Variants in APOL3 observed in about 807,000 individuals in gnomAD.
The protein encoded by APOL3 is TNF-inducible protein CG12-1.
APOL3 carries 14 observed loss-of-function variants against 11.6 expected under a neutral mutation model. The ratio of observed to expected loss-of-function variants is 1.21; its 90% CI spans 0.80 to 1.89. APOL3 has a LOEUF of 1.89. Ranked by LOEUF, APOL3 falls within the 40% of genes most tolerant of loss-of-function variation. The probability of loss-of-function intolerance (pLI) is 0.00; values close to 1 mark genes in which losing one functional copy is unlikely to be tolerated. For synonymous variants in APOL3, 192 were observed against 190.6 expected (o/e 1.01, Z -0.06); for missense variants, 483 against 492.1 (o/e 0.98, Z 0.17).
At chr22:36,165,479 G>A (rs1287492984), upstream of APOL3, 1 of 152,170 alleles carries the variant, frequency 6.6e-6, no homozygotes, top group Non-Finnish European at 1.5e-5. Flanking sequence ...GGAAAACAGA[G>A]TTTCAGGAGG....
At chr22:36,141,654 G>C in exon 3 of APOL3, 1 of 1,614,086 alleles carries the variant, frequency 6.2e-7, no homozygotes. Context: ...CAGCCTGCTG[G>C]CTTCAGCTTC....
At chr22:36,157,597 A>G (rs1329638787) in intron 1 of APOL3, among the ~76,000 whole-genome samples, 1 of 152,200 alleles carries the variant, frequency 6.6e-6, no homozygotes, top group Non-Finnish European at 1.5e-5. Context: ...AATTGAATAG[A>G]GTTTTACCTC....
exon 3 of APOL3, chr22:36,141,230 A>G: frequency 5.0e-6 from 8 of 1,614,020 alleles, no homozygotes; most frequent in Non-Finnish European, 6.8e-6. Context: ...TCAGACGCTG[A>G]TAGATCTGAG....
intron 2 of APOL3, 100 bp downstream of exon 3, chr22:36,145,373 G>A (rs977237307): frequency 2.8e-6 from 4 of 1,443,002 alleles, no homozygotes; most frequent in Admixed American, 2.1e-5. Context: ...CAGCAGAGGG[G>A]GCTGCCTGGA....
upstream of APOL3, chr22:36,160,935 A>G (rs767331173): frequency 4.4e-6 from 7 of 1,580,222 alleles, no homozygotes; most frequent in Middle Eastern, 1.8e-4. Flanking sequence ...CTGCTGATCC[A>G]AGAGCAGCCC....
chr22:36,143,153 G>A (rs2060064101), intron 2 of APOL3, among the ~76,000 whole-genome samples: 1 of 152,172 alleles, frequency 6.6e-6, no homozygotes, highest in Non-Finnish European at 1.5e-5. Context: ...CTGAATAAAG[G>A]CTTCCTGATC....
chr22:36,141,248 C>T, exon 3 of APOL3: 1 of 1,614,108 alleles, frequency 6.2e-7, no homozygotes, highest in Non-Finnish European at 8.5e-7. Flanking sequence ...GAGTGAGCTC[C>T]ATTAGATTCT....
At chr22:36,164,918 G>A (rs1000076320), upstream of APOL3, 8 of 152,144 alleles carry the variant, frequency 5.3e-5, no homozygotes, top group African/African-American at 1.9e-4. Context: ...ACTTCTGAGG[G>A]TATTAAAGCA....
At chr22:36,162,264 G>A (rs1304123118), upstream of APOL3, among the ~76,000 whole-genome samples, 1 of 152,176 alleles carries the variant, frequency 6.6e-6, no homozygotes, top group African/African-American at 2.4e-5. Flanking sequence ...GATGAAGTTG[G>A]TGGTATAGTT....
chr22:36,145,693 C>T (rs2060173348), intron 1 of APOL3, 94 bp from the exon 3 acceptor site: 1 of 1,489,824 alleles, frequency 6.7e-7, no homozygotes, highest in Non-Finnish European at 9.1e-7. Context: ...TCCTCCTCAA[C>T]CAGCTGTCAC....
Position 36,141,865 on chromosome 22 carries a change from T to G in APOL3, c.544A>C (p.Arg182=), listed in dbSNP as rs1479167982. ...ACCACATTGGAGATGGTGCAGCCTC[T>G]GTGGACCTCTTCAATACCATTTGCA... is the stretch of plus-strand genomic sequence containing the variant. The change falls in exon 3 of 3, where the codon AGA becomes CGA. Residue 182 remains arginine, a synonymous_variant. Coordinates refer to ENST00000349314, the Ensembl canonical transcript of APOL3. 1.9e-6 allele frequency: 3 copies of G among 1,614,146 alleles called. No homozygotes were observed. In the Admixed American group the frequency reaches 5.0e-5, roughly 27 times the overall value.
At chr22:36,153,361 C>A in intron 1 of APOL3, 1 of 455,966 alleles carries the variant, frequency 2.2e-6, no homozygotes, top group Non-Finnish European at 4.4e-6. Context: ...AAGAGAAATA[C>A]ACCTGCCTCC....
intron 2 of APOL3, among the ~76,000 whole-genome samples, chr22:36,145,034 A>C (rs1343411731): frequency 5.3e-5 from 8 of 151,156 alleles, no homozygotes; most frequent in Admixed American, 5.3e-4. Flanking sequence ...AAGAAAAAAA[A>C]AGAAAAAAAA....
At chr22:36,143,136 C>G in intron 2 of APOL3, among the ~76,000 whole-genome samples, 1 of 152,046 alleles carries the variant, frequency 6.6e-6, no homozygotes, top group African/African-American at 2.4e-5. Flanking sequence ...TCCCCTGTAA[C>G]ACAATCCTGA....
chr22:36,154,604 C>T (rs1336519084), intron 1 of APOL3: 1 of 470,888 alleles, frequency 2.1e-6, no homozygotes, highest in Non-Finnish European at 4.4e-6. Context: ...CTGGCGTGGA[C>T]TCCCAGAAGG....
chr22:36,149,492 C>T, intron 1 of APOL3: 1 of 880,978 alleles, frequency 1.1e-6, no homozygotes, highest in Admixed American at 2.5e-5. Context: ...TGACCTGGGC[C>T]TGGCAACATG....
intron 2 of APOL3, among the ~76,000 whole-genome samples, chr22:36,145,026 GAAA>G (rs796599154): frequency 0.092 from 11,427 of 124,412 alleles, 1,744 homozygotes; most frequent in African/African-American, 0.33. Flanking sequence ...AAAAAAAAAA[GAAA>G]AAAAAAGAAA....
rs531478067 is a variant in APOL3, at chr22:36,156,241, C to T, written c.223+4428G>A. 1.4e-4 allele frequency among the ~76,000 whole-genome samples: 22 copies of T among 152,238 alleles called. No homozygotes were observed. The East Asian group carries it at 4.0e-3, about 28-fold the overall frequency. On this transcript the variant is annotated intron_variant, in intron 1 of 2. Coordinates refer to ENST00000349314, the Ensembl canonical transcript of APOL3. ...TTCTGAGTAGTGGGAACTACAAGTG[C>T]ATCACTATGTCAGTCAATCTTTTTA...
At chr22:36,161,447 G>A (rs2013689836), upstream of APOL3, 1 of 169,594 alleles carries the variant, frequency 5.9e-6, no homozygotes, top group South Asian at 1.4e-4. Context: ...CTCAGCATGA[G>A]CCACCGTTCC....
Sources: allele counts gnomAD v4.1 joint callset (sites outside exome capture counted in the v4.1 genomes callset), GRCh38; gene constraint gnomAD v4.1.1; transcripts MANE v1.5; gene names NCBI Gene and HGNC (gene_info 2026-07-23, HGNC 2026-07-21).